The following NDUFC1 variants were observed in gnomAD, a reference collection of about 807,000 sequenced individuals.
NDUFC1 encodes NADH dehydrogenase [ubiquinone] 1 subunit C1, mitochondrial.
Under a neutral mutation model 11.6 loss-of-function variants are expected in NDUFC1, and 11 were observed. The observed-to-expected ratio is 0.95, with a 90% CI of 0.60 to 1.58. The LOEUF (loss-of-function observed/expected upper bound fraction) is 1.58, where lower values mean the gene tolerates loss of function less well. Among genes scored for constraint, NDUFC1 ranks in the 40% most tolerant of loss-of-function variants. The pLI, the probability that NDUFC1 is intolerant of heterozygous loss-of-function variation, is 0.00. For missense variants in NDUFC1, 112 were observed against 93.0 expected, an observed-to-expected ratio of 1.20 and a Z score of -0.84; for synonymous variants, 52 against 42.2, an observed-to-expected ratio of 1.23 and a Z score of -0.90.
intron 3 of NDUFC1, among the ~76,000 whole-genome samples, 173 bp downstream of exon 3, chr4:139,295,559 G>A (rs1025306764): frequency 2.0e-5 from 3 of 152,358 alleles, no homozygotes; most frequent in Admixed American, 6.5e-5. Flanking sequence ...GGGTGATGGG[G>A]AGCAGAGAGC....
intron 3 of NDUFC1, 25 bp downstream of exon 3, chr4:139,295,707 C>T: frequency 6.5e-7 from 1 of 1,532,140 alleles, no homozygotes; most frequent in South Asian, 1.2e-5. Flanking sequence ...AGGGTCGAGT[C>T]GGCCTGCACG....
chr4:139,295,634 G>A (rs1745430642), intron 3 of NDUFC1, 98 bp downstream of exon 3: 2 of 1,361,672 alleles, frequency 1.5e-6, no homozygotes, highest in South Asian at 2.8e-5. Context: ...ACTGCAGGAC[G>A]AACCCGGGCC....
At chr4:139,298,474 C>T (rs1366959773) in intron 1 of NDUFC1, among the ~76,000 whole-genome samples, 1 of 150,048 alleles carries the variant, frequency 6.7e-6, no homozygotes. Flanking sequence ...CAGCAGCAGG[C>T]CGGGCGTTGG....
intron 1 of NDUFC1, among the ~76,000 whole-genome samples, chr4:139,298,228 T>A (rs889187245): frequency 1.4e-5 from 2 of 146,244 alleles, no homozygotes; most frequent in Non-Finnish European, 3.0e-5. Flanking sequence ...TCACCTGAGG[T>A]CGGGAGTTCA....
intron 2 of NDUFC1, among the ~76,000 whole-genome samples, chr4:139,296,735 GATC>G (rs1745489236): frequency 6.6e-6 from 1 of 152,192 alleles, no homozygotes; most frequent in Non-Finnish European, 1.5e-5. Context: ...AGTTGAGCCA[GATC>G]TTTGTACATT....
intron 3 of NDUFC1, 42 bp from the exon 4 acceptor site, chr4:139,295,188 T>C: frequency 6.6e-7 from 1 of 1,504,240 alleles, no homozygotes; most frequent in South Asian, 1.1e-5. Flanking sequence ...ACTTACTGCC[T>C]TGTAGGGAAA....
rs1560938927 is a variant in NDUFC1, at chr4:139,292,826, T to TA, written c.172-218_172-217insT. On this transcript the variant is annotated intron_variant, in intron 4 of 5. Transcript: ENST00000394223. ...AGCCCTTAAATATATATATATATAT[T>TA]TATTTATTTATTTAGAGACGGAGTT... Among the ~76,000 whole-genome samples the TA allele has an allele frequency of 1.5e-4, 23 of 149,902 alleles. No homozygotes were observed. In the East Asian group the frequency reaches 3.3e-3, roughly 21 times the overall value.
intron 2 of NDUFC1, chr4:139,296,244 C>T (rs1745472275): frequency 6.2e-6 from 1 of 160,688 alleles, no homozygotes; most frequent in Non-Finnish European, 1.4e-5. Flanking sequence ...TTATAAGCCT[C>T]AATTTACAGA....
intron 1 of NDUFC1, among the ~76,000 whole-genome samples, chr4:139,298,511 T>C (rs1579067085): frequency 6.6e-6 from 1 of 151,324 alleles, no homozygotes; most frequent in Non-Finnish European, 1.5e-5. Flanking sequence ...CCCAGCACTT[T>C]GGGAGGCTGC....
intron 4 of NDUFC1, among the ~76,000 whole-genome samples, chr4:139,293,265 G>A (rs1440844320): frequency 6.6e-6 from 1 of 152,138 alleles, no homozygotes; most frequent in Non-Finnish European, 1.5e-5. Flanking sequence ...TGGTGGGTGC[G>A]TGTTATGCTT....
intron 1 of NDUFC1, chr4:139,301,941 C>A: frequency 1.7e-6 from 2 of 1,189,482 alleles, no homozygotes; most frequent in Non-Finnish European, 2.4e-6. Context: ...CGGGACCCCG[C>A]CTTCATAGCT....
intron 1 of NDUFC1, among the ~76,000 whole-genome samples, chr4:139,299,758 A>C (rs1227757013): frequency 6.6e-6 from 1 of 152,198 alleles, no homozygotes; most frequent in East Asian, 1.9e-4. Flanking sequence ...GTCATCACCC[A>C]AAAAGAATGT....
chr4:139,295,883 G>T lies in NDUFC1; in HGVS notation c.-85C>A. ...CGGAAGTGCGGGACTCGAGGGCTCT[G>T]CAGCAGAGCTCCGTGGGGGCGTCAA... is the stretch of plus-strand genomic sequence containing the variant. On this transcript the variant is annotated 5_prime_UTR_variant, in exon 3 of 6. Coordinates refer to ENST00000394223, the MANE Select transcript of NDUFC1 (RefSeq NM_001184989.2). 1 of 1,379,706 alleles carries T rather than the reference G, an allele frequency of 7.2e-7. No homozygotes were observed. The highest frequency in any genetic ancestry group is 9.8e-7 in the Non-Finnish European group (1 of 1,016,624). 85.5% of individuals were successfully genotyped at this position (1,379,706 alleles called of 1,614,324 possible).
intron 1 of NDUFC1, among the ~76,000 whole-genome samples, chr4:139,298,725 G>A (rs545490954): frequency 1.3e-5 from 2 of 151,398 alleles, no homozygotes; most frequent in East Asian, 3.9e-4. Flanking sequence ...CCAGGCCGGA[G>A]AGCAGAGGTG....
At chr4:139,301,604 A>C in intron 1 of NDUFC1, 1 of 666,848 alleles carries the variant, frequency 1.5e-6, no homozygotes. Context: ...GAAAAAAGAC[A>C]ACGAGGAAAA....
At chr4:139,297,257 G>A (rs777151898) in intron 2 of NDUFC1, 128 bp downstream of exon 2, 11 of 152,328 alleles carry the variant, frequency 7.2e-5, no homozygotes, top group Non-Finnish European at 8.8e-5. Context: ...GAACCAGTAA[G>A]CAAATTACTA....
chr4:139,295,268 C>T, intron 3 of NDUFC1, 122 bp from the exon 4 acceptor site: 3 of 748,566 alleles, frequency 4.0e-6, no homozygotes, highest in Non-Finnish European at 6.9e-6. Context: ...CCCACTTAAA[C>T]AGCCAAGGAA....
intron 1 of NDUFC1, among the ~76,000 whole-genome samples, chr4:139,299,171 T>C (rs1358333142): frequency 2.6e-5 from 4 of 151,920 alleles, no homozygotes; most frequent in African/African-American, 9.7e-5. Context: ...GGTTTCACCA[T>C]GTTGGTCAGG....
chr4:139,292,672 A>T, intron 4 of NDUFC1, 63 bp from the exon 5 acceptor site: 1 of 1,064,382 alleles, frequency 9.4e-7, no homozygotes, highest in Non-Finnish European at 1.4e-6. Context: ...TATTTTGTAA[A>T]GGAATAAGGA....
Sources: gnomAD v4.1 joint callset for allele counts (sites outside exome capture counted in the v4.1 genomes callset) on GRCh38, gnomAD v4.1.1 for gene constraint, MANE v1.5 for transcripts, NCBI Gene and HGNC (gene_info 2026-07-23, HGNC 2026-07-21) for gene names.